Variants in ZIC4 observed in about 807,000 individuals in gnomAD.
The protein encoded by ZIC4 is zinc finger protein ZIC 4.
ZIC4 carries 15 observed loss-of-function variants against 28.8 expected under a neutral mutation model. The ratio of observed to expected loss-of-function variants is 0.52; its 90% CI spans 0.35 to 0.80. The LOEUF (loss-of-function observed/expected upper bound fraction) is 0.80, where lower values mean the gene tolerates loss of function less well. ZIC4 is among the 30% of genes least tolerant of loss of function. ZIC4 has a pLI of 0.01. For missense variants in ZIC4, 512 were observed against 467.1 expected (o/e 1.10, Z -0.89); for synonymous variants, 220 against 198.1 (o/e 1.11, Z -0.93).
chr3:147,401,010 C>A (rs1228255623), intron 2 of ZIC4, among the ~76,000 whole-genome samples: 1 of 152,180 alleles, frequency 6.6e-6, no homozygotes, highest in Non-Finnish European at 1.5e-5. Flanking sequence ...TCACAACCCA[C>A]AGATCTTTAG....
intron 4 of ZIC4, among the ~76,000 whole-genome samples, chr3:147,390,428 C>T (rs1323361320): frequency 6.6e-6 from 1 of 152,020 alleles, no homozygotes; most frequent in African/African-American, 2.4e-5. Context: ...GGGGTGGGAG[C>T]GGCCCAGTCC....
chr3:147,401,270 T>C (rs1231790160), intron 2 of ZIC4, among the ~76,000 whole-genome samples: 1 of 152,182 alleles, frequency 6.6e-6, no homozygotes, highest in Non-Finnish European at 1.5e-5. Flanking sequence ...AAATCACTGG[T>C]TTGAATGTCT....
intron 3 of ZIC4, chr3:147,393,318 C>G (rs1160287161): frequency 6.5e-6 from 1 of 152,844 alleles, no homozygotes; most frequent in Non-Finnish European, 1.5e-5. Flanking sequence ...GGTGAGGCCG[C>G]GCCCCAGCTT....
chr3:147,405,109 G>A (rs2087247447), intron 1 of ZIC4, among the ~76,000 whole-genome samples: 1 of 152,232 alleles, frequency 6.6e-6, no homozygotes, highest in African/African-American at 2.4e-5. Flanking sequence ...TGCTGAGGCT[G>A]GGTTGTGCAG....
At chr3:147,394,453 A>C (rs1416664053) in intron 3 of ZIC4, among the ~76,000 whole-genome samples, 1 of 144,512 alleles carries the variant, frequency 6.9e-6, no homozygotes, top group Admixed American at 7.4e-5. Flanking sequence ...AAAGAGCTGT[A>C]AAAGTTTGTT....
rs747813080 is a variant in ZIC4, at chr3:147,391,132, A to T, written c.803T>A (p.Val268Glu). ...HTSDKPYTCK[V>E]RGCDKCYTHP... ...CGTGTAGCACTTGTCGCAGCCCCGC[A>T]CCTTGCACGTGTATGGCTTGTCGCT... Residue 268 changes from valine to glutamate, a missense_variant, in exon 4 of 5, where the codon GTG becomes GAG. Coordinates refer to ENST00000383075, the MANE Select transcript of ZIC4 (RefSeq NM_032153.6). The T allele has an allele frequency of 1.9e-6, 3 of 1,614,018 alleles. No homozygotes were observed. The highest frequency in any genetic ancestry group is 2.2e-5 in the South Asian group (2 of 91,082).
chr3:147,402,692 C>T (rs775538972), intron 2 of ZIC4, 36 bp downstream of exon 2: 1 of 1,526,286 alleles, frequency 6.6e-7, no homozygotes, highest in Non-Finnish European at 8.9e-7. Context: ...GAAAAGAAAC[C>T]AGCAAACCAA....
At chr3:147,391,901 A>C in intron 3 of ZIC4, 5 of 909,924 alleles carry the variant, frequency 5.5e-6, no homozygotes, top group Non-Finnish European at 6.6e-6. Context: ...TTTTACAGGA[A>C]TGGAGCCCCC....
chr3:147,405,092 A>T (rs1008268633), intron 1 of ZIC4, among the ~76,000 whole-genome samples: 1 of 152,204 alleles, frequency 6.6e-6, no homozygotes, highest in Non-Finnish European at 1.5e-5. Context: ...CTCAAGCGCC[A>T]GGAGTTTGCT....
rs936722274 is a variant in ZIC4, at chr3:147,406,414, T to C, written c.-67A>G. On this transcript the variant is annotated 5_prime_UTR_variant, in exon 1 of 5. Coordinates refer to ENST00000383075, the MANE Select transcript of ZIC4 (RefSeq NM_032153.6). ...CTCATTTCTGCACATCATTTCGGGG[T>C]GGCTGAGAGGGGACCACAAACCCCT... is the stretch of plus-strand genomic sequence containing the variant. 6.6e-6 allele frequency: 1 copy of C among 152,508 alleles called. No individual in the cohort carries two copies. The highest frequency in any genetic ancestry group is 2.4e-5 in the African/African-American group (1 of 41,412). The allele number at this position is 152,508 out of a possible 1,614,324, so 9.4% of individuals were successfully genotyped here.
chr3:147,398,841 A>G (rs2107978692), intron 2 of ZIC4, among the ~76,000 whole-genome samples: 1 of 152,272 alleles, frequency 6.6e-6, no homozygotes, highest in East Asian at 1.9e-4. Flanking sequence ...AGCACCAAGG[A>G]CTATTCTTAT....
intron 1 of ZIC4, chr3:147,404,040 C>A: frequency 2.6e-6 from 4 of 1,537,218 alleles, no homozygotes; most frequent in Non-Finnish European, 2.6e-6. Flanking sequence ...TAAGCTCCTT[C>A]CAGCACAAAT....
At chr3:147,404,611 G>A (rs1559966470) in intron 1 of ZIC4, among the ~76,000 whole-genome samples, 1 of 152,140 alleles carries the variant, frequency 6.6e-6, no homozygotes. Context: ...CATCAACCAC[G>A]GCCTCCTAAT....
At chr3:147,405,716 C>T in intron 1 of ZIC4, 1 of 561,344 alleles carries the variant, frequency 1.8e-6, no homozygotes, top group Non-Finnish European at 3.2e-6. Flanking sequence ...CAGCAGTCAG[C>T]TTCCTGAGGC....
At chr3:147,390,472 C>A (rs958672112) in intron 4 of ZIC4, among the ~76,000 whole-genome samples, 1 of 152,114 alleles carries the variant, frequency 6.6e-6, no homozygotes, top group Admixed American at 6.5e-5. Context: ...GCGAAGCATG[C>A]GGGAAATCTG....
chr3:147,398,393 G>T (rs1338742547), intron 2 of ZIC4, among the ~76,000 whole-genome samples: 2 of 152,134 alleles, frequency 1.3e-5, no homozygotes, highest in Non-Finnish European at 2.9e-5. Context: ...GCAGGCCCGT[G>T]GCCGCCTCCG....
intron 3 of ZIC4, chr3:147,393,955 C>T (rs1397417980): frequency 2.2e-6 from 1 of 456,610 alleles, no homozygotes; most frequent in Non-Finnish European, 4.4e-6. Flanking sequence ...CAGGGAGAAT[C>T]TCAGCTCCTG....
chr3:147,399,881 G>A (rs1050704483), intron 2 of ZIC4, among the ~76,000 whole-genome samples: 2 of 152,038 alleles, frequency 1.3e-5, no homozygotes, highest in Non-Finnish European at 2.9e-5. Flanking sequence ...AGCCAGGCTG[G>A]TCTTGAACTC....
At chr3:147,392,962 C>G (rs777355719) in intron 3 of ZIC4, 4 of 152,052 alleles carry the variant, frequency 2.6e-5, no homozygotes, top group South Asian at 4.1e-4. Context: ...CCATTTTTAT[C>G]TCCTCTGATT....
Sources: gnomAD v4.1 joint callset for allele counts (sites outside exome capture counted in the v4.1 genomes callset) on GRCh38, gnomAD v4.1.1 for gene constraint, MANE v1.5 for transcripts, NCBI Gene and HGNC (gene_info 2026-07-23, HGNC 2026-07-21) for gene names.